Variants in PTPRO observed in about 807,000 individuals in gnomAD.
The protein encoded by PTPRO is protein tyrosine phosphatase receptor type O.
A neutral mutation model predicts 145.2 loss-of-function variants in PTPRO; 62 were observed. The observed-to-expected ratio is 0.43, with a 90% confidence interval of 0.35 to 0.53. The LOEUF (loss-of-function observed/expected upper bound fraction) is 0.53, where lower values mean the gene tolerates loss of function less well. PTPRO is among the 20% of genes least tolerant of loss of function. The probability of loss-of-function intolerance (pLI) is 0.01; values close to 1 mark genes in which losing one functional copy is unlikely to be tolerated. For missense variants in PTPRO, 1,345 were observed against 1,482.7 expected (o/e 0.91, Z 1.53); for synonymous variants, 565 against 514.7 (o/e 1.10, Z -1.32).
chr12:15,474,635 G>A lies in PTPRO; in HGVS notation c.76-9339G>A, dbSNP rs192997855. On this transcript the variant is annotated intron_variant, in intron 1 of 26. Transcript: ENST00000281171. ...AAATCTCAGTAAAAATATTTTTCCTGCAGAGTCAAGCAATATTATTACTTC... is the reference window on the plus strand; with the variant it reads ...AAATCTCAGTAAAAATATTTTTCCTACAGAGTCAAGCAATATTATTACTTC... 2.6e-3 allele frequency among the ~76,000 whole-genome samples: 396 copies of A among 152,304 alleles called. 1 individual carries two copies. The highest frequency in any genetic ancestry group is 9.3e-3 in the African/African-American group (386 of 41,570).
intron 1 of PTPRO, among the ~76,000 whole-genome samples, chr12:15,395,570 T>A (rs191303471): frequency 6.6e-6 from 1 of 152,278 alleles, no homozygotes; most frequent in African/African-American, 2.4e-5. Context: ...TGGTCTCTTA[T>A]ATTGGCTGTT....
At chr12:15,446,338 C>T (rs915186920) in intron 1 of PTPRO, among the ~76,000 whole-genome samples, 1 of 151,940 alleles carries the variant, frequency 6.6e-6, no homozygotes, top group Non-Finnish European at 1.5e-5. Flanking sequence ...AGAAAAACAC[C>T]TTTCAAAACC....
At chr12:15,360,772 A>G (rs1938153273) in intron 1 of PTPRO, among the ~76,000 whole-genome samples, 2 of 148,412 alleles carry the variant, frequency 1.3e-5, no homozygotes, top group African/African-American at 5.0e-5. Context: ...GTGTATATAT[A>G]CGTGTGTATA....
chr12:15,352,767 T>G (rs556285587), intron 1 of PTPRO, among the ~76,000 whole-genome samples: 2 of 152,258 alleles, frequency 1.3e-5, no homozygotes, highest in East Asian at 3.9e-4. Flanking sequence ...ATCCTAAAAT[T>G]AGGAGAATGT....
intron 1 of PTPRO, among the ~76,000 whole-genome samples, chr12:15,452,393 A>G (rs1941069677): frequency 6.6e-6 from 1 of 152,180 alleles, no homozygotes; most frequent in Non-Finnish European, 1.5e-5. Context: ...AGACGGATTC[A>G]CAGGTGAATT....
At chr12:15,413,749 AG>A (rs1335890126) in intron 1 of PTPRO, among the ~76,000 whole-genome samples, 13 of 152,144 alleles carry the variant, frequency 8.5e-5, no homozygotes. Flanking sequence ...TGAGAGGCGG[AG>A]GTTGCAGCGA....
At chr12:15,348,746 C>T (rs1045261994) in intron 1 of PTPRO, 3 of 151,898 alleles carry the variant, frequency 2.0e-5, no homozygotes, top group Non-Finnish European at 4.4e-5. Flanking sequence ...CGAGCTCGCG[C>T]CACTGCATTC....
chr12:15,587,110 A>C, intron 24 of PTPRO, 59 bp downstream of exon 24: 1 of 1,578,134 alleles, frequency 6.3e-7, no homozygotes, highest in South Asian at 1.1e-5. Flanking sequence ...TAAGGGGAAC[A>C]GCTCACCATT....
At chr12:15,343,000 C>A (rs978294445) in intron 1 of PTPRO, among the ~76,000 whole-genome samples, 12 of 152,122 alleles carry the variant, frequency 7.9e-5, no homozygotes, top group African/African-American at 2.9e-4. Flanking sequence ...ACTCCCGACC[C>A]CATCACATTA....
Position 15,502,145 on chromosome 12 carries a change from A to T in PTPRO, c.1105+82A>T, listed in dbSNP as rs185063891. ...AATGTTTTTAAATTTGAGTTTAGAA[A>T]GACTGATCATAGACAGTTATTAGTC... On this transcript the variant is annotated intron_variant, in intron 5 of 26. Coordinates refer to ENST00000281171, the MANE Select transcript of PTPRO (RefSeq NM_030667.3). The T allele has an allele frequency of 8.6e-4, 1,157 of 1,348,908 alleles. 5 individuals carry two copies. The highest frequency in any genetic ancestry group is 4.0e-4 in the Non-Finnish European group (382 of 950,350). 83.6% of individuals were successfully genotyped at this position (1,348,908 alleles called of 1,614,324 possible).
At chr12:15,565,491 C>A in intron 17 of PTPRO, 102 bp from the exon 18 acceptor site, 1 of 747,568 alleles carries the variant, frequency 1.3e-6, no homozygotes, top group Non-Finnish European at 2.3e-6. Context: ...TTAAATAAAA[C>A]TGAGGTACCT....
intron 1 of PTPRO, among the ~76,000 whole-genome samples, chr12:15,432,274 A>T (rs565852496): frequency 6.6e-6 from 1 of 152,282 alleles, no homozygotes; most frequent in East Asian, 1.9e-4. Flanking sequence ...CATTCCTGCA[A>T]TAGTTTGCTA....
At chr12:15,365,533 G>A (rs950908702) in intron 1 of PTPRO, among the ~76,000 whole-genome samples, 2 of 151,980 alleles carry the variant, frequency 1.3e-5, no homozygotes, top group Non-Finnish European at 2.9e-5. Flanking sequence ...CTACAACACA[G>A]AGATTGAAAT....
At position 15,589,608 on chromosome 12, in the gene PTPRO, A is replaced by G. The variant is rs2135671054; in HGVS notation, c.3546+18A>G. 1 of 1,613,556 alleles carries G rather than the reference A, an allele frequency of 6.2e-7. No homozygotes were observed. The highest frequency in any genetic ancestry group is 2.2e-5 in the East Asian group (1 of 44,838). ...AGACAGAGGTAGGAACATAATCTATATGTATTTTTAAATTTTCCCTGGACT... is the reference window on the plus strand; with the variant it reads ...AGACAGAGGTAGGAACATAATCTATGTGTATTTTTAAATTTTCCCTGGACT... On this transcript the variant is annotated intron_variant, in intron 25 of 26. Coordinates refer to ENST00000281171, the MANE Select transcript of PTPRO (RefSeq NM_030667.3).
chr12:15,551,802 T>G, intron 15 of PTPRO, 131 bp downstream of exon 15: 1 of 955,522 alleles, frequency 1.0e-6, no homozygotes, highest in South Asian at 1.5e-5. Context: ...CTGTTTCTAT[T>G]GTGTGTGTTT....
intron 12 of PTPRO, among the ~76,000 whole-genome samples, chr12:15,528,393 C>T (rs1342816114): frequency 2.0e-5 from 3 of 149,904 alleles, no homozygotes; most frequent in African/African-American, 7.4e-5. Flanking sequence ...AGCATGGTGG[C>T]GGGTGCCTGT....
chr12:15,414,697 C>A (rs1159105307), intron 1 of PTPRO, among the ~76,000 whole-genome samples: 3 of 152,196 alleles, frequency 2.0e-5, no homozygotes, highest in Non-Finnish European at 4.4e-5. Context: ...AGAATACCTT[C>A]TCTCCTTCAC....
Position 15,501,663 on chromosome 12 carries a change from G to C in PTPRO, c.705G>C (p.Leu235Phe). The C allele has an allele frequency of 6.2e-7, 1 of 1,613,878 alleles. No individual in the cohort carries two copies. Among genetic ancestry groups the C allele is most frequent in the South Asian group, 1.1e-5 (1 of 91,046 alleles). Reference protein sequence around the residue: ...PQNISVRIVNLNKNNWEEQSG... With the variant: ...PQNISVRIVNFNKNNWEEQSG... Reference sequence around the variant, plus strand: ...ATATTTCCGTTCGTATCGTAAACTTGAACAAAAACAACTGGGAAGAACAGA... The same window carrying C: ...ATATTTCCGTTCGTATCGTAAACTTCAACAAAAACAACTGGGAAGAACAGA... The change falls in exon 5 of 27, where the codon TTG (leucine) becomes TTC (phenylalanine). Residue 235 changes from leucine (L) to phenylalanine (F), a missense_variant. By Grantham distance (22) the Leu-to-Phe change is conservative. Around this residue, in one of 3 missense-constraint regions of PTPRO, gnomAD observed 1,130 missense variants for 1,214.7 expected, o/e 0.93. Transcript: ENST00000281171.
chr12:15,407,753 A>C (rs556997586), intron 1 of PTPRO, among the ~76,000 whole-genome samples: 1 of 152,242 alleles, frequency 6.6e-6, no homozygotes, highest in African/African-American at 2.4e-5. Flanking sequence ...GAAGGGGAAA[A>C]TGAAAACTAG....
Sources: allele counts gnomAD v4.1 joint callset (sites outside exome capture counted in the v4.1 genomes callset), GRCh38; gene constraint gnomAD v4.1.1; regional missense constraint gnomAD v4.1.1; transcripts MANE v1.5; gene names NCBI Gene and HGNC (gene_info 2026-07-23, HGNC 2026-07-21).